The following FGF12 variants were observed in gnomAD, a reference collection of about 807,000 sequenced individuals.
FGF12 encodes the protein fibroblast growth factor 12B.
FGF12 carries 14 observed loss-of-function variants against 23.6 expected under a neutral mutation model. The observed-to-expected ratio is 0.59, with a 90% confidence interval of 0.39 to 0.93. The LOEUF (loss-of-function observed/expected upper bound fraction) is 0.93, where lower values mean the gene tolerates loss of function less well. Ranked by LOEUF, FGF12 falls within the 40% of genes least tolerant of loss-of-function variation. FGF12 has a pLI of 0.00. For synonymous variants in FGF12, 62 were observed against 77.3 expected (o/e 0.80, Z 1.04); for missense variants, 175 against 217.8 (o/e 0.80, Z 1.24).
At chr3:192,347,438 T>C (rs1256210864) in intron 3 of FGF12, among the ~76,000 whole-genome samples, 1 of 152,192 alleles carries the variant, frequency 6.6e-6, no homozygotes, top group East Asian at 1.9e-4. Context: ...GTGGTCCTCC[T>C]GCAGACTTCC....
At position 192,139,765 on chromosome 3, in the gene FGF12, A is replaced by G. The variant is rs1305085059; in HGVS notation, c.*4244T>C. 3 of 151,956 alleles carry G rather than the reference A, an allele frequency of 2.0e-5. No individual in the cohort carries two copies. Among genetic ancestry groups the G allele is most frequent in the Non-Finnish European group, 4.4e-5 (3 of 67,940 alleles). 9.4% of individuals were successfully genotyped at this position (151,956 alleles called of 1,614,324 possible). On this transcript the variant is annotated 3_prime_UTR_variant, in exon 6 of 6. Coordinates refer to ENST00000445105, the MANE Select transcript of FGF12 (RefSeq NM_004113.6). ...TAAAGCTCAATACATCATTCTGAAC[A>G]TTATTAATTTTCACTTAACTTAGAT...
At chr3:192,380,037 T>C (rs1719750811) in intron 2 of FGF12, among the ~76,000 whole-genome samples, 1 of 152,172 alleles carries the variant, frequency 6.6e-6, no homozygotes, top group South Asian at 2.1e-4. Flanking sequence ...AGCTCACTGC[T>C]TGGGGAAATA....
intron 3 of FGF12, among the ~76,000 whole-genome samples, chr3:192,350,544 G>T (rs749608159): frequency 5.9e-5 from 9 of 152,062 alleles, no homozygotes; most frequent in African/African-American, 1.9e-4. Context: ...TTGAGAAAAG[G>T]CTTCCCTTTT....
At position 192,442,422 on chromosome 3, in the gene FGF12, T is replaced by C. The variant is rs145865123; in HGVS notation, c.14-81884A>G. On this transcript the variant is annotated intron_variant, in intron 2 of 5. Coordinates refer to ENST00000445105, the MANE Select transcript of FGF12 (RefSeq NM_004113.6). ...CAATTAAGTGAAATCAGCAATATTA[T>C]AAAAGAAAAGATAATAGACTCAAGA... Among the ~76,000 whole-genome samples, 8 of 152,278 alleles carry C rather than the reference T, an allele frequency of 5.3e-5. No homozygotes were observed. The East Asian group carries it at 1.5e-3, about 29-fold the overall frequency.
intron 4 of FGF12, among the ~76,000 whole-genome samples, chr3:192,239,774 T>G (rs1719502637): frequency 6.6e-6 from 1 of 152,182 alleles, no homozygotes; most frequent in African/African-American, 2.4e-5. Context: ...CCCCAACTAG[T>G]CTGTGGAAAA....
At position 192,563,393 on chromosome 3, in the gene FGF12, T is replaced by G. The variant is rs537532271; in HGVS notation, c.13+163788A>C. Reference sequence around the variant, plus strand: ...AGCTCACAACTCACACATTCACCACTTGCTCAAACAATGAAGACTTGCACA... The same window carrying G: ...AGCTCACAACTCACACATTCACCACGTGCTCAAACAATGAAGACTTGCACA... On this transcript the variant is annotated intron_variant, in intron 2 of 5. Transcript: ENST00000445105. Among the ~76,000 whole-genome samples the G allele has an allele frequency of 5.3e-5, 8 of 152,296 alleles. No individual in the cohort carries two copies. In the South Asian group the frequency reaches 1.7e-3, roughly 32 times the overall value.
chr3:192,163,818 AGTGTGT>A (rs1306799739), intron 5 of FGF12, among the ~76,000 whole-genome samples: 1 of 91,784 alleles, frequency 1.1e-5, no homozygotes, highest in African/African-American at 3.9e-5. Flanking sequence ...TATATGGCCA[AGTGTGT>A]GTGAGTGTGT....
At chr3:192,461,290 C>T (rs1722854489) in intron 2 of FGF12, among the ~76,000 whole-genome samples, 1 of 152,112 alleles carries the variant, frequency 6.6e-6, no homozygotes, top group African/African-American at 2.4e-5. Flanking sequence ...GGCTTGAGAT[C>T]ATCAAAAAGA....
At position 192,594,116 on chromosome 3, in the gene FGF12, A is replaced by AT. The variant is rs1713740306; in HGVS notation, c.13+133064_13+133065insA. Among the ~76,000 whole-genome samples the AT allele has an allele frequency of 2.0e-5, 3 of 152,062 alleles. No homozygotes were observed. In the East Asian group the frequency reaches 5.8e-4, roughly 29 times the overall value. On this transcript the variant is annotated intron_variant, in intron 2 of 5. Transcript: ENST00000445105. Reference sequence around the variant, plus strand: ...TGTCTGGTAAGGACATTTGAACAGGAGACTGCCTATTTTCAAAAGTTGGAT... The same window carrying AT: ...TGTCTGGTAAGGACATTTGAACAGGATGACTGCCTATTTTCAAAAGTTGGAT...
chr3:192,708,673 A>G (rs984677521), intron 2 of FGF12, among the ~76,000 whole-genome samples: 1 of 152,222 alleles, frequency 6.6e-6, no homozygotes, highest in Non-Finnish European at 1.5e-5. Flanking sequence ...GACCCAAGGA[A>G]CTATAGTATA....
chr3:192,349,597 T>C, intron 3 of FGF12, among the ~76,000 whole-genome samples: 1 of 152,248 alleles, frequency 6.6e-6, no homozygotes, highest in Middle Eastern at 3.4e-3. Context: ...AACATGAATA[T>C]ATATATTCAT....
chr3:192,458,471 T>A (rs568075529), intron 2 of FGF12, among the ~76,000 whole-genome samples: 110 of 152,148 alleles, frequency 7.2e-4, no homozygotes, highest in Non-Finnish European at 1.4e-3. Context: ...AGACCTGGAG[T>A]CAAAGGAAAT....
At chr3:192,475,754 G>A (rs1030807180) in intron 2 of FGF12, among the ~76,000 whole-genome samples, 1 of 152,162 alleles carries the variant, frequency 6.6e-6, no homozygotes, top group African/African-American at 2.4e-5. Flanking sequence ...CTGTTCTCGT[G>A]ATAGGGAAAT....
intron 4 of FGF12, among the ~76,000 whole-genome samples, chr3:192,234,901 G>A (rs972747002): frequency 5.9e-5 from 9 of 152,134 alleles, no homozygotes; most frequent in South Asian, 2.1e-4. Context: ...CTGCTTTATT[G>A]TGGTGGATTA....
chr3:192,236,348 C>A (rs2108589923), intron 4 of FGF12, among the ~76,000 whole-genome samples: 1 of 152,188 alleles, frequency 6.6e-6, no homozygotes, highest in Middle Eastern at 3.4e-3. Context: ...TTGTTAGATA[C>A]AGTATTCTCT....
intron 4 of FGF12, among the ~76,000 whole-genome samples, chr3:192,281,681 G>A (rs1202803905): frequency 6.6e-6 from 1 of 152,086 alleles, no homozygotes; most frequent in Non-Finnish European, 1.5e-5. Context: ...TGGGCAAACA[G>A]TTTTCAGCGA....
intron 4 of FGF12, among the ~76,000 whole-genome samples, chr3:192,287,297 G>T (rs949236536): frequency 7.2e-5 from 11 of 151,996 alleles, no homozygotes; most frequent in African/African-American, 2.4e-4. Flanking sequence ...TCATTCTCCA[G>T]TTGTATTCCC....
chr3:192,287,375 T>C (rs769838798), intron 4 of FGF12, among the ~76,000 whole-genome samples: 17 of 152,208 alleles, frequency 1.1e-4, no homozygotes, highest in Non-Finnish European at 1.8e-4. Flanking sequence ...TGTATCTTAA[T>C]GATACTTAAC....
chr3:192,205,327 A>T (rs888832081), intron 4 of FGF12, among the ~76,000 whole-genome samples: 4 of 152,196 alleles, frequency 2.6e-5, no homozygotes, highest in African/African-American at 9.6e-5. Context: ...GATTAAAGAA[A>T]TACCGCCAAC....
Sources: gnomAD v4.1 joint callset for allele counts (sites outside exome capture counted in the v4.1 genomes callset) on GRCh38, gnomAD v4.1.1 for gene constraint, MANE v1.5 for transcripts, NCBI Gene and HGNC (gene_info 2026-07-23, HGNC 2026-07-21) for gene names.